FLI1: variants seen among roughly 807,000 people sequenced by gnomAD.
FLI1 encodes the protein Friend leukemia integration 1 transcription factor.
Under a neutral mutation model 53.1 loss-of-function variants are expected in FLI1, and 13 were observed. The ratio of observed to expected loss-of-function variants is 0.24; its 90% CI spans 0.16 to 0.39. FLI1 has a LOEUF of 0.39. Among genes scored for constraint, FLI1 ranks in the 10% least tolerant of loss-of-function variants. The pLI, the probability that FLI1 is intolerant of heterozygous loss-of-function variation, is 1.00. For synonymous variants in FLI1, 244 were observed against 236.7 expected (o/e 1.03, Z -0.28); for missense variants, 424 against 600.5 (o/e 0.71, Z 3.07).
At chr11:128,694,393 G>T in intron 1 of FLI1, 117 bp downstream of exon 1, 1 of 845,896 alleles carries the variant, frequency 1.2e-6, no homozygotes. Flanking sequence ...TTCCCTCCGC[G>T]CCCCGGCTTC....
chr11:128,758,073 A>G, intron 1 of FLI1, 42 bp from the exon 2 acceptor site: 1 of 1,542,922 alleles, frequency 6.5e-7, no homozygotes, highest in Non-Finnish European at 8.8e-7. Context: ...TGCTTGGGTG[A>G]AGAGTGACAC....
intron 1 of FLI1, among the ~76,000 whole-genome samples, chr11:128,733,738 C>T (rs1939793065): frequency 6.6e-6 from 1 of 152,226 alleles, no homozygotes; most frequent in Admixed American, 6.5e-5. Context: ...CAGAAGTTTT[C>T]TCTGTTGTGC....
intron 4 of FLI1, among the ~76,000 whole-genome samples, chr11:128,774,309 C>T (rs1457510155): frequency 6.6e-6 from 1 of 152,180 alleles, no homozygotes; most frequent in Admixed American, 6.5e-5. Context: ...TATTTGTTAG[C>T]TCCGGAGCAA....
intron 5 of FLI1, among the ~76,000 whole-genome samples, chr11:128,801,305 A>G (rs1942630372): frequency 6.6e-6 from 1 of 152,214 alleles, no homozygotes; most frequent in African/African-American, 2.4e-5. Flanking sequence ...GATGTGAGCC[A>G]CTGGGTCAGC....
At chr11:128,803,718 A>G (rs1305700293) in intron 5 of FLI1, among the ~76,000 whole-genome samples, 1 of 152,182 alleles carries the variant, frequency 6.6e-6, no homozygotes, top group African/African-American at 2.4e-5. Flanking sequence ...TCCCAAATCT[A>G]TTACCAGAGG....
intron 2 of FLI1, 99 bp downstream of exon 2, chr11:128,758,425 G>A: frequency 2.1e-6 from 2 of 946,720 alleles, no homozygotes; most frequent in Non-Finnish European, 1.6e-6. Context: ...AGCAGATGGG[G>A]CTCTAGAGCT....
chr11:128,766,970 G>GTCTC (rs757213464), intron 2 of FLI1, among the ~76,000 whole-genome samples: 1 of 151,820 alleles, frequency 6.6e-6, no homozygotes, highest in East Asian at 1.9e-4. Context: ...CCTTCCCATC[G>GTCTC]TCTCCTTTGG....
chr11:128,753,133 G>C (rs1352475259), intron 1 of FLI1, among the ~76,000 whole-genome samples: 2 of 152,214 alleles, frequency 1.3e-5, no homozygotes, highest in African/African-American at 2.4e-5. Context: ...CTAGGACTCA[G>C]TGGCTCTGGA....
At chr11:128,720,063 C>T (rs1040525136) in intron 1 of FLI1, among the ~76,000 whole-genome samples, 1 of 152,158 alleles carries the variant, frequency 6.6e-6, no homozygotes, top group Non-Finnish European at 1.5e-5. Context: ...CATAGTCTCA[C>T]AATACAGAAA....
At chr11:128,754,311 GC>G (rs1940778241) in intron 1 of FLI1, among the ~76,000 whole-genome samples, 2 of 151,260 alleles carry the variant, frequency 1.3e-5, no homozygotes, top group East Asian at 3.9e-4. Flanking sequence ...ATTCTCACGA[GC>G]TGTTAACAGC....
chr11:128,795,182 A>C (rs1942395328), intron 5 of FLI1, among the ~76,000 whole-genome samples: 1 of 152,236 alleles, frequency 6.6e-6, no homozygotes, highest in Non-Finnish European at 1.5e-5. Context: ...TGGGACAATT[A>C]CTTTATCTGT....
At chr11:128,695,475 C>T (rs1299864337) in intron 1 of FLI1, among the ~76,000 whole-genome samples, 2 of 152,200 alleles carry the variant, frequency 1.3e-5, no homozygotes, top group Non-Finnish European at 2.9e-5. Context: ...AGAATCGACT[C>T]CCTGCTCAGG....
chr11:128,692,332 A>G (rs1388762127), upstream of FLI1, among the ~76,000 whole-genome samples: 1 of 152,132 alleles, frequency 6.6e-6, no homozygotes, highest in African/African-American at 2.4e-5. Flanking sequence ...TGACCCCGCT[A>G]GCGGTAACCA....
intron 4 of FLI1, among the ~76,000 whole-genome samples, chr11:128,780,582 C>T (rs1483486140): frequency 4.6e-5 from 7 of 150,736 alleles, no homozygotes; most frequent in African/African-American, 1.0e-4. Flanking sequence ...GCAACAAGAG[C>T]GAAACTCCGT....
At chr11:128,764,729 C>A in intron 2 of FLI1, 1 of 1,569,420 alleles carries the variant, frequency 6.4e-7, no homozygotes, top group Non-Finnish European at 8.6e-7. Context: ...CCGTGGAGCC[C>A]CATGGCCGCA....
At chr11:128,724,189 C>T (rs1417349892) in intron 1 of FLI1, among the ~76,000 whole-genome samples, 1 of 152,162 alleles carries the variant, frequency 6.6e-6, no homozygotes, top group Non-Finnish European at 1.5e-5. Flanking sequence ...AGGTGATCCA[C>T]CCGCCTTGGC....
intron 1 of FLI1, among the ~76,000 whole-genome samples, chr11:128,696,812 C>T (rs959375749): frequency 1.3e-5 from 2 of 152,170 alleles, no homozygotes; most frequent in African/African-American, 2.4e-5. Flanking sequence ...TAAGTCATGT[C>T]TATATTTCAA....
intron 1 of FLI1, among the ~76,000 whole-genome samples, chr11:128,698,495 T>C (rs1050438483): frequency 6.6e-6 from 1 of 152,198 alleles, no homozygotes; most frequent in Non-Finnish European, 1.5e-5. Flanking sequence ...AGTGTTTAGC[T>C]TGAATTTCTC....
intron 2 of FLI1, among the ~76,000 whole-genome samples, chr11:128,766,161 C>T (rs1941331423): frequency 6.6e-6 from 1 of 152,228 alleles, no homozygotes; most frequent in African/African-American, 2.4e-5. Flanking sequence ...ACCCAGTGCA[C>T]TCGGGCCAGA....
Sources: allele counts gnomAD v4.1 joint callset (sites outside exome capture counted in the v4.1 genomes callset), GRCh38; gene constraint gnomAD v4.1.1; transcripts MANE v1.5; gene names NCBI Gene and HGNC (gene_info 2026-07-23, HGNC 2026-07-21).